Variants in PPP2R5E observed in about 807,000 individuals in gnomAD.
The protein encoded by PPP2R5E is protein phosphatase 2 regulatory subunit B'epsilon, also known as serine/threonine-protein phosphatase 2A 56 kDa regulatory subunit epsilon isoform.
PPP2R5E carries 4 observed loss-of-function variants against 65.3 expected under a neutral mutation model. The observed-to-expected ratio is 0.06, with a 90% confidence interval of 0.03 to 0.14. The LOEUF is 0.14. PPP2R5E is among the 10% of genes least tolerant of loss of function. The probability of loss-of-function intolerance (pLI) is 1.00; values close to 1 mark genes in which losing one functional copy is unlikely to be tolerated. For synonymous variants in PPP2R5E, 183 were observed against 187.4 expected, an observed-to-expected ratio of 0.98 and a Z score of 0.19; for missense variants, 274 against 556.1, an observed-to-expected ratio of 0.49 and a Z score of 5.10.
chr14:63,427,793 G>T (rs1398809043), intron 3 of PPP2R5E, among the ~76,000 whole-genome samples: 1 of 152,084 alleles, frequency 6.6e-6, no homozygotes, highest in African/African-American at 2.4e-5. Flanking sequence ...ATCAGATCAG[G>T]TTAGAAATTA....
chr14:63,471,628 A>AT (rs1890135733), intron 2 of PPP2R5E, among the ~76,000 whole-genome samples: 1 of 152,136 alleles, frequency 6.6e-6, no homozygotes, highest in Non-Finnish European at 1.5e-5. Flanking sequence ...TGAGGTAGGT[A>AT]TTACCAACCT....
chr14:63,415,805 T>C (rs1886653810), intron 4 of PPP2R5E, among the ~76,000 whole-genome samples: 1 of 152,190 alleles, frequency 6.6e-6, no homozygotes, highest in South Asian at 2.1e-4. Context: ...ATTTAAGTAG[T>C]TTCTGAATTA....
intron 2 of PPP2R5E, among the ~76,000 whole-genome samples, chr14:63,519,670 T>C (rs1417151326): frequency 2.1e-5 from 3 of 144,182 alleles, no homozygotes; most frequent in South Asian, 2.2e-4. Context: ...CAAACTCTCT[T>C]TTTTTTTTTT....
Position 63,537,768 on chromosome 14 carries a change from C to A in PPP2R5E, c.157+1761G>T, listed in dbSNP as rs558937266. 7.2e-5 allele frequency among the ~76,000 whole-genome samples: 11 copies of A among 152,178 alleles called. 2 individuals carry two copies. The highest frequency in any genetic ancestry group is 2.6e-4 in the African/African-American group (11 of 41,522). Reference sequence around the variant, plus strand: ...CCAGGTTGCCTGGTTTCCTCCAAGCCACACTAAAGCTCATTGTGTTGTTCA... The same window carrying A: ...CCAGGTTGCCTGGTTTCCTCCAAGCAACACTAAAGCTCATTGTGTTGTTCA... On this transcript the variant is annotated intron_variant, in intron 2 of 13. Coordinates refer to ENST00000337537, the MANE Select transcript of PPP2R5E (RefSeq NM_006246.5).
rs565941690 is a variant in PPP2R5E, at chr14:63,530,058, G to A, written c.157+9471C>T. On this transcript the variant is annotated intron_variant, in intron 2 of 13. Transcript: ENST00000337537. ...GAGAGAGAACGTGAATGGAAGGGAT[G>A]AATCTTTGAGAATCTGATGAAAGCA... Among the ~76,000 whole-genome samples, 4 of 152,144 alleles carry A rather than the reference G, an allele frequency of 2.6e-5. No homozygotes were observed. In the East Asian group the frequency reaches 7.7e-4, roughly 29 times the overall value.
intron 3 of PPP2R5E, among the ~76,000 whole-genome samples, chr14:63,434,345 A>G (rs534815393): frequency 6.6e-6 from 1 of 152,330 alleles, no homozygotes; most frequent in South Asian, 2.1e-4. Context: ...CACCAACTAC[A>G]TTAGTGGGTC....
At chr14:63,450,814 T>G (rs960384057) in intron 3 of PPP2R5E, among the ~76,000 whole-genome samples, 14 of 145,552 alleles carry the variant, frequency 9.6e-5, no homozygotes, top group Non-Finnish European at 2.0e-4. Context: ...ATTCCCAAAA[T>G]GGTGAGTTGC....
chr14:63,440,767 T>A (rs1288187962), intron 3 of PPP2R5E, among the ~76,000 whole-genome samples: 2 of 126,088 alleles, frequency 1.6e-5, no homozygotes, highest in African/African-American at 4.0e-5. Context: ...TGAAACTCCG[T>A]CTCTACTAAA....
intron 2 of PPP2R5E, among the ~76,000 whole-genome samples, chr14:63,474,224 G>A (rs1028798136): frequency 2.6e-5 from 4 of 152,130 alleles, no homozygotes; most frequent in African/African-American, 7.2e-5. Context: ...AACTACTCTG[G>A]GGGGAGAATA....
At chr14:63,383,821 G>GAT (rs1884509192) in intron 12 of PPP2R5E, among the ~76,000 whole-genome samples, 2 of 152,108 alleles carry the variant, frequency 1.3e-5, no homozygotes. Flanking sequence ...CTTTCCAAGA[G>GAT]ATACATATAG....
At chr14:63,532,391 C>T (rs1893471369) in intron 2 of PPP2R5E, among the ~76,000 whole-genome samples, 1 of 152,146 alleles carries the variant, frequency 6.6e-6, no homozygotes, top group Admixed American at 6.6e-5. Flanking sequence ...GCAGTAGATG[C>T]AACTCTCCAG....
intron 2 of PPP2R5E, among the ~76,000 whole-genome samples, chr14:63,468,479 C>A (rs1163018573): frequency 2.0e-5 from 3 of 152,188 alleles, no homozygotes; most frequent in Non-Finnish European, 4.4e-5. Context: ...TCAGTACATG[C>A]ATCAGCAACG....
intron 2 of PPP2R5E, among the ~76,000 whole-genome samples, chr14:63,532,354 C>CA (rs35190083): frequency 0.11 from 16,319 of 152,158 alleles, 923 homozygotes; most frequent in East Asian, 0.16. Flanking sequence ...AAAAGCATTA[C>CA]ACTAAATAAC....
At chr14:63,440,417 A>G (rs996044777) in intron 3 of PPP2R5E, among the ~76,000 whole-genome samples, 3 of 66,046 alleles carry the variant, frequency 4.5e-5, no homozygotes, top group South Asian at 3.8e-4. Flanking sequence ...GTTCTTAAGC[A>G]AAAAAAAAAA....
At chr14:63,469,968 A>G (rs1489592100) in intron 2 of PPP2R5E, among the ~76,000 whole-genome samples, 1 of 152,242 alleles carries the variant, frequency 6.6e-6, no homozygotes, top group Non-Finnish European at 1.5e-5. Flanking sequence ...TTTTACACCA[A>G]AATGAAATAC....
chr14:63,424,179 T>C (rs753524432), intron 3 of PPP2R5E, among the ~76,000 whole-genome samples: 8 of 152,142 alleles, frequency 5.3e-5, no homozygotes, highest in Non-Finnish European at 1.0e-4. Context: ...AAAGAACTAA[T>C]TAAGGACAAG....
intron 13 of PPP2R5E, among the ~76,000 whole-genome samples, chr14:63,378,163 T>C (rs1352912919): frequency 6.6e-6 from 1 of 152,230 alleles, no homozygotes; most frequent in African/African-American, 2.4e-5. Context: ...TATAAATCAA[T>C]TGTATAGATC....
intron 8 of PPP2R5E, among the ~76,000 whole-genome samples, chr14:63,393,346 G>GA (rs1397165584): frequency 2.0e-5 from 3 of 152,034 alleles, no homozygotes; most frequent in South Asian, 2.1e-4. Flanking sequence ...ACTGTGCATA[G>GA]AAAAAAAATG....
At chr14:63,531,730 G>A (rs760449824) in intron 2 of PPP2R5E, among the ~76,000 whole-genome samples, 3 of 151,826 alleles carry the variant, frequency 2.0e-5, no homozygotes, top group Non-Finnish European at 2.9e-5. Context: ...AAAGTGGGAG[G>A]GTCACTTGAG....
Sources: gnomAD v4.1 joint callset for allele counts (sites outside exome capture counted in the v4.1 genomes callset) on GRCh38, gnomAD v4.1.1 for gene constraint, MANE v1.5 for transcripts, NCBI Gene and HGNC (gene_info 2026-07-23, HGNC 2026-07-21) for gene names.